MARCHF1: variants seen among roughly 807,000 people sequenced by gnomAD.
The protein encoded by MARCHF1 is membrane associated ring-CH-type finger 1.
A neutral mutation model predicts 54.2 loss-of-function variants in MARCHF1; 40 were observed. That is an observed-to-expected ratio of 0.74 (90% CI 0.57 to 0.96). The LOEUF (loss-of-function observed/expected upper bound fraction) is 0.96, where lower values mean the gene tolerates loss of function less well. Among genes scored for constraint, MARCHF1 ranks in the 40% least tolerant of loss-of-function variants. The pLI, the probability that MARCHF1 is intolerant of heterozygous loss-of-function variation, is 0.00. For missense variants in MARCHF1, 586 were observed against 656.5 expected (o/e 0.89, Z 1.17); for synonymous variants, 236 against 236.3 (o/e 1.00, Z 0.01).
intron 1 of MARCHF1, among the ~76,000 whole-genome samples, chr4:164,184,135 T>C (rs928894635): frequency 1.3e-5 from 2 of 152,170 alleles, no homozygotes; most frequent in Non-Finnish European, 2.9e-5. Flanking sequence ...TATTGCTCGA[T>C]ACAACAGTGG....
intron 2 of MARCHF1, among the ~76,000 whole-genome samples, chr4:164,101,783 G>C (rs1755567969): frequency 6.7e-6 from 1 of 149,454 alleles, no homozygotes; most frequent in African/African-American, 2.4e-5. Context: ...GACGAGCTGA[G>C]AGAAGAAGGC....
chr4:163,665,377 G>A (rs1378433708), intron 5 of MARCHF1, among the ~76,000 whole-genome samples: 1 of 152,082 alleles, frequency 6.6e-6, no homozygotes, highest in Non-Finnish European at 1.5e-5. Context: ...ATTAGCTATG[G>A]CCTACAAGTT....
chr4:164,280,988 G>A (rs1734011228), intron 1 of MARCHF1, among the ~76,000 whole-genome samples: 1 of 152,118 alleles, frequency 6.6e-6, no homozygotes, highest in Non-Finnish European at 1.5e-5. Flanking sequence ...TGAATGGAAT[G>A]TCTTCTAATT....
intron 2 of MARCHF1, among the ~76,000 whole-genome samples, chr4:164,026,446 A>G (rs1007975514): frequency 3.3e-5 from 5 of 152,172 alleles, no homozygotes; most frequent in Non-Finnish European, 7.4e-5. Context: ...AAATAAATAA[A>G]TGTTATTCAC....
chr4:164,117,049 G>A lies in MARCHF1; in HGVS notation c.-322-5387C>T, dbSNP rs545841693. Among the ~76,000 whole-genome samples the A allele has an allele frequency of 3.3e-5, 5 of 152,130 alleles. No individual in the cohort carries two copies. In the East Asian group the frequency reaches 9.7e-4, roughly 29 times the overall value. On this transcript the variant is annotated intron_variant, in intron 1 of 9. Transcript: ENST00000514618. ...AAGGCGGGTAGATCATTTGAGGTCA[G>A]GAGTTTGAAACCAGCCTGGCCAACA...
chr4:163,661,856 C>T (rs1743353313), intron 5 of MARCHF1, among the ~76,000 whole-genome samples: 1 of 152,098 alleles, frequency 6.6e-6, no homozygotes, highest in East Asian at 1.9e-4. Context: ...GAGTTTTATA[C>T]AAATCTAATT....
At chr4:164,254,231 T>C (rs140845235) in intron 1 of MARCHF1, among the ~76,000 whole-genome samples, 3,218 of 151,888 alleles carry the variant, frequency 0.021, 113 homozygotes, top group African/African-American at 0.074. Flanking sequence ...TTTGTATTTT[T>C]AGTAGAGATG....
At chr4:164,313,067 G>A (rs1197502343) in intron 1 of MARCHF1, among the ~76,000 whole-genome samples, 1 of 151,782 alleles carries the variant, frequency 6.6e-6, no homozygotes, top group Non-Finnish European at 1.5e-5. Flanking sequence ...TGGGAGCGGT[G>A]GTGGCTCACG....
At chr4:163,761,011 T>A (rs2110824384) in intron 4 of MARCHF1, among the ~76,000 whole-genome samples, 1 of 152,256 alleles carries the variant, frequency 6.6e-6, no homozygotes, top group African/African-American at 2.4e-5. Context: ...AGTGAATACT[T>A]CTGCAAATAA....
intron 3 of MARCHF1, among the ~76,000 whole-genome samples, chr4:163,913,151 T>C (rs1751231984): frequency 6.6e-6 from 1 of 152,212 alleles, no homozygotes; most frequent in African/African-American, 2.4e-5. Context: ...TCTTATGACT[T>C]ATTTCATTCT....
intron 8 of MARCHF1, among the ~76,000 whole-genome samples, chr4:163,578,280 T>C (rs916586854): frequency 2.0e-4 from 31 of 152,124 alleles, no homozygotes; most frequent in African/African-American, 6.8e-4. Flanking sequence ...ATATCTGTAA[T>C]AGCAACACAA....
At chr4:164,242,655 A>T (rs538672174) in intron 1 of MARCHF1, among the ~76,000 whole-genome samples, 19 of 152,004 alleles carry the variant, frequency 1.2e-4, no homozygotes, top group Non-Finnish European at 2.6e-4. Flanking sequence ...TGTGAGAAGA[A>T]GGTTTCAGAT....
chr4:163,946,012 A>AC (rs397996068), intron 3 of MARCHF1, among the ~76,000 whole-genome samples: 2 of 151,630 alleles, frequency 1.3e-5, no homozygotes, highest in African/African-American at 2.4e-5. Flanking sequence ...TAAAAAAAAA[A>AC]CACTTAATTC....
chr4:163,578,708 G>T (rs931872492), intron 8 of MARCHF1, among the ~76,000 whole-genome samples: 6 of 152,090 alleles, frequency 3.9e-5, no homozygotes, highest in Non-Finnish European at 7.4e-5. Context: ...ATGGTGTCCA[G>T]CTCTCTCTTT....
chr4:163,766,932 A>G (rs574957584), intron 4 of MARCHF1, among the ~76,000 whole-genome samples: 1 of 152,272 alleles, frequency 6.6e-6, no homozygotes, highest in African/African-American at 2.4e-5. Flanking sequence ...ATTTTTAAAC[A>G]TTATAGAACT....
chr4:164,039,532 A>G (rs892261631), intron 2 of MARCHF1, among the ~76,000 whole-genome samples: 8 of 152,130 alleles, frequency 5.3e-5, no homozygotes, highest in Non-Finnish European at 7.4e-5. Context: ...ACCCTTTCCA[A>G]TTTATACTGT....
intron 3 of MARCHF1, among the ~76,000 whole-genome samples, chr4:163,985,282 C>A (rs1393075107): frequency 1.3e-5 from 2 of 152,140 alleles, no homozygotes; most frequent in African/African-American, 4.8e-5. Flanking sequence ...ATTGCCTAAT[C>A]AATCTCCAGA....
intron 1 of MARCHF1, chr4:164,189,260 C>A (rs1731059173): frequency 3.4e-6 from 2 of 581,736 alleles, no homozygotes; most frequent in Non-Finnish European, 6.3e-6. Context: ...GTAGAAAAGG[C>A]CAGATGGGCC....
chr4:163,761,908 A>G (rs1579265228), intron 4 of MARCHF1, among the ~76,000 whole-genome samples: 3 of 152,336 alleles, frequency 2.0e-5, no homozygotes, highest in East Asian at 1.9e-4. Flanking sequence ...TGAGATAAAA[A>G]CACTAACTGA....
Sources: allele counts gnomAD v4.1 joint callset (sites outside exome capture counted in the v4.1 genomes callset), GRCh38; gene constraint gnomAD v4.1.1; transcripts MANE v1.5; gene names NCBI Gene and HGNC (gene_info 2026-07-23, HGNC 2026-07-21).